Variants in ZMAT4 observed in about 807,000 individuals in gnomAD.
ZMAT4 encodes zinc finger matrin-type 4, also known as zinc finger matrin-type protein 4.
In ZMAT4, 17 loss-of-function variants were observed where a neutral mutation model predicts 28.7. That is an observed-to-expected ratio of 0.59 (90% confidence interval 0.41 to 0.89). The LOEUF (loss-of-function observed/expected upper bound fraction) is 0.89, where lower values mean the gene tolerates loss of function less well. ZMAT4 is among the 40% of genes least tolerant of loss of function. The pLI, the probability that ZMAT4 is intolerant of heterozygous loss-of-function variation, is 0.00. For missense variants in ZMAT4, 240 were observed against 283.8 expected (o/e 0.85, Z 1.11); for synonymous variants, 117 against 109.2 (o/e 1.07, Z -0.44).
intron 5 of ZMAT4, among the ~76,000 whole-genome samples, chr8:40,620,677 C>A (rs7812539): frequency 0.066 from 10,089 of 152,208 alleles, 750 homozygotes; most frequent in East Asian, 0.44. Flanking sequence ...TTATTAAGCT[C>A]TTGATCAGGT....
intron 4 of ZMAT4, among the ~76,000 whole-genome samples, chr8:40,684,818 G>A (rs893068376): frequency 6.6e-6 from 1 of 152,162 alleles, no homozygotes; most frequent in African/African-American, 2.4e-5. Flanking sequence ...ACTTTAGAAT[G>A]AATTTACGGA....
chr8:40,597,946 C>T lies in ZMAT4; in HGVS notation c.578-16685G>A, dbSNP rs570596434. ...CCAATGCTTATGGATGAGAGAGGAA[C>T]ATTTAAGAGTAACTATAATGTGTCT... On this transcript the variant is annotated intron_variant, in intron 5 of 6. Coordinates refer to ENST00000297737, the MANE Select transcript of ZMAT4 (RefSeq NM_024645.3). Among the ~76,000 whole-genome samples, 7 of 152,238 alleles carry T rather than the reference C, an allele frequency of 4.6e-5. No homozygotes were observed. In the East Asian group the frequency reaches 1.4e-3, roughly 29 times the overall value.
At chr8:40,634,623 T>C (rs1358175799) in intron 5 of ZMAT4, among the ~76,000 whole-genome samples, 1 of 152,210 alleles carries the variant, frequency 6.6e-6, no homozygotes, top group Non-Finnish European at 1.5e-5. Flanking sequence ...TTTAAGTCTA[T>C]ATGCAAGGAG....
rs187602450 is a variant in ZMAT4 at position 40,860,582 on chromosome 8, C to G, written c.-4-34902G>C. Among the ~76,000 whole-genome samples the G allele has an allele frequency of 1.1e-4, 16 of 152,300 alleles. No individual in the cohort carries two copies. The East Asian group carries it at 2.5e-3, about 24-fold the overall frequency. ...AATAGCACCCAGCCATAGATCTGTG[C>G]GTTTGCCACCTTGGACCTTAGGATA... On this transcript the variant is annotated intron_variant, in intron 1 of 6. Coordinates refer to ENST00000297737, the MANE Select transcript of ZMAT4 (RefSeq NM_024645.3).
rs1476964259 is a variant in ZMAT4, at chr8:40,612,741, C to T, written c.578-31480G>A. 2.2e-5 allele frequency among the ~76,000 whole-genome samples: 3 copies of T among 136,204 alleles called. 1 individual carries two copies. Among genetic ancestry groups the T allele is most frequent in the Non-Finnish European group, 5.1e-5 (3 of 58,854 alleles). The allele number at this position is 136,204 out of a possible 152,430, so 89.4% of individuals were successfully genotyped here. On this transcript the variant is annotated intron_variant, in intron 5 of 6. Coordinates refer to ENST00000297737, the MANE Select transcript of ZMAT4 (RefSeq NM_024645.3). ...ATCCCCTCCCCTACCTCCCTAAAAACATGTTCCTTATATTTTGTATACTTT... is the reference window on the plus strand; with the variant it reads ...ATCCCCTCCCCTACCTCCCTAAAAATATGTTCCTTATATTTTGTATACTTT...
intron 3 of ZMAT4, among the ~76,000 whole-genome samples, chr8:40,712,680 T>A (rs1408888606): frequency 1.3e-5 from 2 of 152,180 alleles, no homozygotes. Context: ...CGCCATATCC[T>A]GAAATCATGG....
intron 1 of ZMAT4, among the ~76,000 whole-genome samples, chr8:40,840,321 C>A (rs1273275254): frequency 6.6e-6 from 1 of 152,174 alleles, no homozygotes; most frequent in African/African-American, 2.4e-5. Flanking sequence ...CCCTGATGGG[C>A]CTTTTCAGCT....
chr8:40,534,359 C>T (rs570839253), intron 6 of ZMAT4, among the ~76,000 whole-genome samples: 1 of 152,260 alleles, frequency 6.6e-6, no homozygotes, highest in South Asian at 2.1e-4. Flanking sequence ...TTAATAAACA[C>T]GCAGCCATCC....
intron 5 of ZMAT4, among the ~76,000 whole-genome samples, chr8:40,593,433 T>C (rs1033285143): frequency 1.3e-5 from 2 of 152,210 alleles, no homozygotes; most frequent in Admixed American, 1.3e-4. Context: ...TGCTTTGCAG[T>C]GGCATCTCTT....
intron 6 of ZMAT4, among the ~76,000 whole-genome samples, chr8:40,534,035 C>T (rs1195250847): frequency 6.6e-6 from 1 of 151,948 alleles, no homozygotes; most frequent in Non-Finnish European, 1.5e-5. Flanking sequence ...CACAGCTAAA[C>T]AGTCTTTAGT....
intron 2 of ZMAT4, among the ~76,000 whole-genome samples, chr8:40,823,763 T>G (rs1815920637): frequency 6.6e-6 from 1 of 152,184 alleles, no homozygotes; most frequent in Non-Finnish European, 1.5e-5. Flanking sequence ...TTGGAAGTCC[T>G]TAATTTCAAA....
intron 5 of ZMAT4, among the ~76,000 whole-genome samples, chr8:40,668,586 A>G (rs989265312): frequency 6.6e-6 from 1 of 152,130 alleles, no homozygotes; most frequent in African/African-American, 2.4e-5. Flanking sequence ...CACTAAGGAC[A>G]CTTATTAGTA....
intron 5 of ZMAT4, among the ~76,000 whole-genome samples, chr8:40,624,635 A>T (rs190377368): frequency 6.6e-6 from 1 of 152,250 alleles, no homozygotes; most frequent in Non-Finnish European, 1.5e-5. Context: ...AGTCATGACT[A>T]TATTTCAAAG....
chr8:40,731,150 T>C (rs1176442341), intron 3 of ZMAT4, among the ~76,000 whole-genome samples: 1 of 152,146 alleles, frequency 6.6e-6, no homozygotes, highest in African/African-American at 2.4e-5. Context: ...CACCTCCCCA[T>C]TTGTTGCAAG....
intron 1 of ZMAT4, among the ~76,000 whole-genome samples, chr8:40,878,503 T>G (rs1157777415): frequency 6.6e-6 from 1 of 152,216 alleles, no homozygotes; most frequent in African/African-American, 2.4e-5. Context: ...CAGAAGTAAG[T>G]TGTCCAACTT....
At chr8:40,650,855 A>G (rs1807606709) in intron 5 of ZMAT4, among the ~76,000 whole-genome samples, 1 of 151,928 alleles carries the variant, frequency 6.6e-6, no homozygotes, top group Non-Finnish European at 1.5e-5. Flanking sequence ...ATGCAGAAAA[A>G]ACCTTTGACA....
intron 2 of ZMAT4, among the ~76,000 whole-genome samples, chr8:40,813,982 GAT>G (rs1340997455): frequency 6.6e-6 from 1 of 152,208 alleles, no homozygotes; most frequent in African/African-American, 2.4e-5. Context: ...CAGCAAAGGT[GAT>G]CCCAGAGGTC....
At chr8:40,812,016 A>G (rs984434459) in intron 2 of ZMAT4, among the ~76,000 whole-genome samples, 21 of 152,274 alleles carry the variant, frequency 1.4e-4, no homozygotes, top group African/African-American at 5.1e-4. Context: ...CTGTAATCCC[A>G]GCTACTCAGG....
At chr8:40,882,125 C>G (rs936811981) in intron 1 of ZMAT4, among the ~76,000 whole-genome samples, 4 of 152,176 alleles carry the variant, frequency 2.6e-5, no homozygotes, top group African/African-American at 9.7e-5. Context: ...GAATCATAAA[C>G]CAGCCTTGTG....
Sources: gnomAD v4.1 joint callset for allele counts (sites outside exome capture counted in the v4.1 genomes callset) on GRCh38, gnomAD v4.1.1 for gene constraint, MANE v1.5 for transcripts, NCBI Gene and HGNC (gene_info 2026-07-23, HGNC 2026-07-21) for gene names.